VAV3: variants seen among roughly 807,000 people sequenced by gnomAD.
VAV3 encodes vav guanine nucleotide exchange factor 3, also known as guanine nucleotide exchange factor VAV3.
VAV3 carries 94 observed loss-of-function variants against 131.2 expected under a neutral mutation model. The observed-to-expected ratio is 0.72, with a 90% confidence interval of 0.61 to 0.85. The LOEUF is 0.85. Ranked by LOEUF, VAV3 falls within the 40% of genes least tolerant of loss-of-function variation. The pLI is 0.00. For missense variants in VAV3, 939 were observed against 1,002.7 expected, an observed-to-expected ratio of 0.94 and a Z score of 0.86; for synonymous variants, 349 against 342.0, an observed-to-expected ratio of 1.02 and a Z score of -0.22.
At position 107,710,552 on chromosome 1, in the gene VAV3, T is replaced by C. The variant is rs181642711; in HGVS notation, c.1503-5491A>G. ...TTTAGAAATATGCTAAACAGTCTTA[T>C]TTTTATTTATTATTATTAATACTTA... is the stretch of plus-strand genomic sequence containing the variant. On this transcript the variant is annotated intron_variant, in intron 15 of 26. Coordinates refer to ENST00000370056, the MANE Select transcript of VAV3 (RefSeq NM_006113.5). 8.5e-5 allele frequency among the ~76,000 whole-genome samples: 13 copies of C among 152,298 alleles called. No individual in the cohort carries two copies. In the East Asian group the frequency reaches 1.9e-3, roughly 23 times the overall value.
At chr1:107,805,607 T>C (rs2102314802) in intron 2 of VAV3, among the ~76,000 whole-genome samples, 1 of 152,304 alleles carries the variant, frequency 6.6e-6, no homozygotes, top group East Asian at 1.9e-4. Context: ...AAATTGCTAT[T>C]TTGAATTCTT....
At chr1:107,948,364 CTT>C (rs1223188961) in intron 1 of VAV3, among the ~76,000 whole-genome samples, 1 of 152,086 alleles carries the variant, frequency 6.6e-6, no homozygotes, top group Non-Finnish European at 1.5e-5. Context: ...TTAAACTTCT[CTT>C]GAGGGTCATT....
At chr1:107,894,612 T>C (rs1312859501) in intron 1 of VAV3, among the ~76,000 whole-genome samples, 1 of 152,174 alleles carries the variant, frequency 6.6e-6, no homozygotes, top group Non-Finnish European at 1.5e-5. Flanking sequence ...TATGGTTACA[T>C]TACTCTCTCT....
chr1:107,959,743 CAA>C, intron 1 of VAV3, among the ~76,000 whole-genome samples: 1 of 152,222 alleles, frequency 6.6e-6, no homozygotes, highest in African/African-American at 2.4e-5. Context: ...TTGATGACTC[CAA>C]ACTTTATACC....
At chr1:107,820,250 C>T (rs909394567) in intron 2 of VAV3, among the ~76,000 whole-genome samples, 1 of 152,030 alleles carries the variant, frequency 6.6e-6, no homozygotes, top group Non-Finnish European at 1.5e-5. Flanking sequence ...AAATGTGCTA[C>T]ATATACACAA....
At chr1:107,598,963 A>G (rs1486365794) in intron 24 of VAV3, among the ~76,000 whole-genome samples, 1 of 152,200 alleles carries the variant, frequency 6.6e-6, no homozygotes, top group Admixed American at 6.5e-5. Context: ...TTGAACTTCA[A>G]CGTAATTTTG....
At chr1:107,755,546 G>T in intron 11 of VAV3, 33 bp from the exon 12 acceptor site, 1 of 1,510,932 alleles carries the variant, frequency 6.6e-7, no homozygotes, top group Non-Finnish European at 9.2e-7. Context: ...GAAAAAGAAG[G>T]CACACTAAGA....
intron 6 of VAV3, among the ~76,000 whole-genome samples, chr1:107,769,591 C>T (rs1263996675): frequency 1.3e-5 from 2 of 152,218 alleles, no homozygotes; most frequent in African/African-American, 4.8e-5. Context: ...ATGATAATGG[C>T]CCAATCTATT....
chr1:107,740,554 T>C (rs146597352), intron 15 of VAV3, among the ~76,000 whole-genome samples: 158 of 152,244 alleles, frequency 1.0e-3, no homozygotes, highest in Non-Finnish European at 1.5e-3. Flanking sequence ...AAAAAACATT[T>C]TGGAGCTAAA....
intron 19 of VAV3, among the ~76,000 whole-genome samples, chr1:107,649,103 G>A (rs894750821): frequency 6.6e-6 from 1 of 152,000 alleles, no homozygotes; most frequent in African/African-American, 2.4e-5. Context: ...TGGACAATCT[G>A]TAGAACTCTT....
intron 5 of VAV3, among the ~76,000 whole-genome samples, chr1:107,771,443 C>T (rs777802915): frequency 6.6e-5 from 10 of 152,028 alleles, no homozygotes; most frequent in Non-Finnish European, 1.3e-4. Context: ...TTAGTAGAGA[C>T]GAGGTTTCAC....
In VAV3 at chr1:107,840,360, C is replaced by T. The variant is rs140205461; in HGVS notation, c.321+34541G>A. Among the ~76,000 whole-genome samples the T allele has an allele frequency of 5.1e-3, 771 of 152,238 alleles. 8 individuals are homozygous for T. The highest frequency in any genetic ancestry group is 8.1e-3 in the Non-Finnish European group (552 of 68,014). ...TGTATATTTTAAAGTTGTGCAAAGACCTTTCTTGATTGGCACCACTTAAAG... is the reference window on the plus strand; with the variant it reads ...TGTATATTTTAAAGTTGTGCAAAGATCTTTCTTGATTGGCACCACTTAAAG... On this transcript the variant is annotated intron_variant, in intron 2 of 26. Transcript: ENST00000370056.
chr1:107,585,559 T>G (rs1382330540), intron 25 of VAV3, among the ~76,000 whole-genome samples: 1 of 152,144 alleles, frequency 6.6e-6, no homozygotes, highest in Non-Finnish European at 1.5e-5. Flanking sequence ...TTGGTCCTTC[T>G]GCTCTGGCCA....
chr1:107,755,053 A>G (rs938312331), intron 12 of VAV3, among the ~76,000 whole-genome samples: 4 of 152,112 alleles, frequency 2.6e-5, no homozygotes, highest in African/African-American at 7.2e-5. Context: ...AGCCCCAAGC[A>G]AAGTGTCTGG....
rs1655263207 is a variant in VAV3, at chr1:107,640,493, G to A, written c.1914+2126C>T. On this transcript the variant is annotated intron_variant, in intron 20 of 26. Transcript: ENST00000370056. ...GGAACAAAGCAACAGGAAGGAGCAT[G>A]ATGGAGGGATTACCAAGGGGCACAA... Among the ~76,000 whole-genome samples, 4 of 152,190 alleles carry A rather than the reference G, an allele frequency of 2.6e-5. No individual in the cohort carries two copies. The South Asian group carries it at 6.2e-4, about 24-fold the overall frequency.
chr1:107,731,970 G>A (rs1020232412), intron 15 of VAV3, among the ~76,000 whole-genome samples: 2 of 152,156 alleles, frequency 1.3e-5, no homozygotes, highest in African/African-American at 4.8e-5. Flanking sequence ...TGAAGCGAAA[G>A]CATATACACT....
chr1:107,657,937 G>A (rs1459195504), intron 19 of VAV3, among the ~76,000 whole-genome samples: 4 of 152,070 alleles, frequency 2.6e-5, no homozygotes, highest in Non-Finnish European at 5.9e-5. Context: ...CCATACGAGA[G>A]GAAATACGAC....
intron 19 of VAV3, among the ~76,000 whole-genome samples, chr1:107,651,568 C>G (rs991540666): frequency 3.4e-5 from 5 of 145,808 alleles, no homozygotes; most frequent in Non-Finnish European, 7.6e-5. Flanking sequence ...GAGGGAGGGA[C>G]CCTTTCTCTC....
At chr1:107,780,509 G>A (rs1024375181) in intron 2 of VAV3, among the ~76,000 whole-genome samples, 2 of 152,086 alleles carry the variant, frequency 1.3e-5, no homozygotes, top group African/African-American at 4.8e-5. Flanking sequence ...TTCTCATAAA[G>A]TCTATTCTTG....
Sources: allele counts gnomAD v4.1 joint callset (sites outside exome capture counted in the v4.1 genomes callset), GRCh38; gene constraint gnomAD v4.1.1; transcripts MANE v1.5; gene names NCBI Gene and HGNC (gene_info 2026-07-23, HGNC 2026-07-21).